Variants in SBNO2 observed in about 807,000 individuals in gnomAD.
SBNO2 encodes protein strawberry notch homolog 2.
Under a neutral mutation model 146.3 loss-of-function variants are expected in SBNO2, and 89 were observed. That is an observed-to-expected ratio of 0.61 (90% CI 0.51 to 0.73). The LOEUF is 0.73. Ranked by LOEUF, SBNO2 falls within the 30% of genes least tolerant of loss-of-function variation. SBNO2 has a pLI of 0.00. For synonymous variants in SBNO2, 1,147 were observed against 892.6 expected (o/e 1.29, Z -5.08); for missense variants, 2,092 against 2,003.7 (o/e 1.04, Z -0.84).
intron 4 of SBNO2, among the ~76,000 whole-genome samples, chr19:1,146,564 A>G (rs2080191782): frequency 6.6e-6 from 1 of 151,600 alleles, no homozygotes; most frequent in African/African-American, 2.4e-5. Context: ...CAGGCCCTGG[A>G]TGTGGTCCGG....
intron 1 of SBNO2, among the ~76,000 whole-genome samples, chr19:1,172,555 C>T (rs549642717): frequency 6.6e-6 from 1 of 152,294 alleles, no homozygotes; most frequent in South Asian, 2.1e-4. Flanking sequence ...GGAGAGACAT[C>T]CCAGGGAGGG....
Position 1,158,404 on chromosome 19 carries a change from C to A in SBNO2, c.-126-4002G>T, listed in dbSNP as rs111368383. On this transcript the variant is annotated intron_variant, in intron 1 of 31. Transcript: ENST00000361757. This position sits in a 1 kb window ranked among gnomAD's most constrained non-coding sequence, Gnocchi z 9.9. ...CCTTGACGTGACCCCCAGAGCCAGA[C>A]TCAGCAGCTCAGGCCACGCTGTGCC... 0.023 allele frequency among the ~76,000 whole-genome samples: 3,436 copies of A among 152,276 alleles called. 135 individuals carry two copies. The highest frequency in any genetic ancestry group is 0.079 in the African/African-American group (3,263 of 41,534).
At chr19:1,164,536 G>A (rs1212602312) in intron 1 of SBNO2, among the ~76,000 whole-genome samples, 1 of 116,026 alleles carries the variant, frequency 8.6e-6, no homozygotes, top group Non-Finnish European at 1.8e-5. Flanking sequence ...GGAGGAGGAG[G>A]AGGAGGAGGA....
chr19:1,108,739 G>A (rs1287840559), intron 31 of SBNO2, 35 bp from the exon 32 acceptor site: 5 of 1,584,366 alleles, frequency 3.2e-6, no homozygotes, highest in Non-Finnish European at 4.3e-6. Context: ...GGCCGGCGCT[G>A]GGGGCTCGGG....
chr19:1,145,552 G>A (rs964197573), intron 4 of SBNO2, among the ~76,000 whole-genome samples: 1 of 151,954 alleles, frequency 6.6e-6, no homozygotes, highest in Non-Finnish European at 1.5e-5. Flanking sequence ...TGAAAGAGAA[G>A]AAGGGGGCGG....
At chr19:1,156,119 C>T (rs1425851798) in intron 1 of SBNO2, among the ~76,000 whole-genome samples, 1 of 152,088 alleles carries the variant, frequency 6.6e-6, no homozygotes, top group African/African-American at 2.4e-5. Context: ...GCTGAGGGAC[C>T]CCTCCAGCAG....
Position 1,147,562 on chromosome 19 carries a change from C to T in SBNO2, c.168-142G>A, listed in dbSNP as rs924292233. 1.1e-4 allele frequency: 56 copies of T among 529,510 alleles called. 1 individual carries two copies. The highest frequency in any genetic ancestry group is 1.6e-4 in the Non-Finnish European group (50 of 307,456). The allele number at this position is 529,510 out of a possible 1,614,324, so 32.8% of individuals were successfully genotyped here. ...CCCAGCCCGGCAGGACCCATGGCCC[C>T]GCTGCACATACAGAGGGGCCTCCAG... On this transcript the variant is annotated intron_variant, in intron 3 of 31. Coordinates refer to ENST00000361757, the MANE Select transcript of SBNO2 (RefSeq NM_014963.3).
intron 17 of SBNO2, chr19:1,115,753 C>T (rs1018055496): frequency 2.5e-5 from 14 of 555,052 alleles, no homozygotes; most frequent in South Asian, 6.4e-5. Context: ...TCAGCACCCG[C>T]GTCCGTGTCC....
In SBNO2 at chr19:1,116,005, G is replaced by A. The variant is rs775576263; in HGVS notation, c.1885+16C>T. Reference sequence around the variant, plus strand: ...GAGGGGCAGGGGTGGGTGGGGCCATGGGGGGCAGGGCTTACGTTTCCGCTT... The same window carrying A: ...GAGGGGCAGGGGTGGGTGGGGCCATAGGGGGCAGGGCTTACGTTTCCGCTT... On this transcript the variant is annotated intron_variant, in intron 17 of 31. Coordinates refer to ENST00000361757, the MANE Select transcript of SBNO2 (RefSeq NM_014963.3). 6.2e-7 allele frequency: 1 copy of A among 1,601,196 alleles called. No homozygotes were observed. The highest frequency in any genetic ancestry group is 8.5e-7 in the Non-Finnish European group (1 of 1,175,276).
intron 18 of SBNO2, 113 bp from the exon 19 acceptor site, chr19:1,113,817 GGA>G: frequency 7.6e-7 from 1 of 1,314,806 alleles, no homozygotes; most frequent in Non-Finnish European, 9.8e-7. Context: ...CAACCCTGAG[GGA>G]CGGCAGGGTG....
At position 1,119,952 on chromosome 19, in the gene SBNO2, C is replaced by T; in HGVS notation, c.1221G>A (p.Leu407=). 6.4e-7 allele frequency: 1 copy of T among 1,550,610 alleles called. No homozygotes were observed. Among genetic ancestry groups the T allele is most frequent in the Non-Finnish European group, 8.7e-7 (1 of 1,147,182 alleles). The change falls in exon 12 of 32, where the codon CTG becomes CTA. Residue 407 remains leucine, a synonymous_variant. Coordinates refer to ENST00000361757, the MANE Select transcript of SBNO2 (RefSeq NM_014963.3). ...CGCGGGCCAGGGGCAGCTTGTTCTG[C>T]AGGTCTAGCACAGCCTTGCCCATCT... ...STKMGKAVLD[L]QNKLPLARVV...
chr19:1,162,907 G>A, intron 1 of SBNO2, among the ~76,000 whole-genome samples: 1 of 152,232 alleles, frequency 6.6e-6, no homozygotes, highest in East Asian at 1.9e-4. Context: ...CAGAGGGGAG[G>A]GGACGTTGGG....
rs146128898 is a variant in SBNO2, at chr19:1,140,492, G to A, written c.279+6817C>T. ...CAGAAGTGAGGGGGGCCCTTCCTCC[G>A]GGCCAGGGTGGCTGGAGGGCCGGGC... On this transcript the variant is annotated intron_variant, in intron 4 of 31. Transcript: ENST00000361757. The surrounding 1 kb of genome is among the most constrained non-coding windows in gnomAD (Gnocchi z 4.4). 2.3e-3 allele frequency among the ~76,000 whole-genome samples: 349 copies of A among 152,240 alleles called. 1 individual carries two copies. The highest frequency in any genetic ancestry group is 8.0e-3 in the African/African-American group (331 of 41,542).
At position 1,122,700 on chromosome 19, in the gene SBNO2, ACTCCGGCCACC is replaced by A. The variant is rs1190725211; in HGVS notation, c.861_871del (p.Val288HisfsTer49). 6.5e-7 allele frequency: 1 copy of A among 1,535,210 alleles called. No individual in the cohort carries two copies. Among genetic ancestry groups the A allele is most frequent in the Non-Finnish European group, 8.7e-7 (1 of 1,146,184 alleles). On this transcript the variant is annotated frameshift_variant, in exon 9 of 32. Coordinates refer to ENST00000361757, the MANE Select transcript of SBNO2 (RefSeq NM_014963.3). LOFTEE classifies it high-confidence loss of function. The stretch of plus-strand genomic sequence containing the variant: ...GCCGCGCAGGTGGTTCTCCAGGATG[ACTCCGGCCACC>A]GTCCGGCCTTTGCCCACGCCGGCCC...
At position 1,117,330 on chromosome 19, in the gene SBNO2, C is replaced by G; in HGVS notation, c.1697G>C (p.Arg566Pro). The G allele has an allele frequency of 6.4e-7, 1 of 1,565,118 alleles. No homozygotes were observed. Among genetic ancestry groups the G allele is most frequent in the Non-Finnish European group, 8.6e-7 (1 of 1,156,250 alleles). The change falls in exon 15 of 32, where the codon CGA becomes CCA. Residue 566 changes from arginine to proline, a missense_variant. By Grantham distance (103) the Arg-to-Pro change is moderately radical. Coordinates refer to ENST00000361757, the MANE Select transcript of SBNO2 (RefSeq NM_014963.3). ...AAGGCCGCAGCCGCTCACCTTGTCT[C>G]GCGCCAGCTCCTCTCGGGCCAGCTC... ...LVELAREELA[R>P]DKCVVIGLQS... is the part of the protein sequence containing the mutation.
chr19:1,163,011 G>C (rs930378008), intron 1 of SBNO2, among the ~76,000 whole-genome samples: 1 of 152,206 alleles, frequency 6.6e-6, no homozygotes, highest in Non-Finnish European at 1.5e-5. Flanking sequence ...AGTGCCTGCG[G>C]GCCACAAGGC....
At chr19:1,130,987 G>A (rs10413074) in intron 4 of SBNO2, among the ~76,000 whole-genome samples, 9,938 of 152,162 alleles carry the variant, frequency 0.065, 604 homozygotes, top group East Asian at 0.15. Flanking sequence ...AGAGGGAGAC[G>A]GGGTTCCCAG....
intron 4 of SBNO2, among the ~76,000 whole-genome samples, chr19:1,131,869 C>G (rs547979427): frequency 3.3e-5 from 5 of 152,216 alleles, no homozygotes; most frequent in African/African-American, 1.2e-4. Context: ...GCTCCCAGCC[C>G]GAAGTCTTAA....
chr19:1,125,276 T>G, intron 5 of SBNO2, among the ~76,000 whole-genome samples: 1 of 149,542 alleles, frequency 6.7e-6, no homozygotes, highest in East Asian at 2.0e-4. Context: ...GGAGAATCGC[T>G]TAAACCCAGG....
Sources: gnomAD v4.1 joint callset for allele counts (sites outside exome capture counted in the v4.1 genomes callset) on GRCh38, gnomAD v4.1.1 for gene constraint, Gnocchi (gnomAD v3.1) non-coding constraint, MANE v1.5 for transcripts, NCBI Gene and HGNC (gene_info 2026-07-23, HGNC 2026-07-21) for gene names.